Variants in PLCXD3 observed in about 807,000 individuals in gnomAD.
PLCXD3 encodes the protein phosphatidylinositol specific phospholipase C X domain containing 3.
A neutral mutation model predicts 25.5 loss-of-function variants in PLCXD3; 19 were observed. The ratio of observed to expected loss-of-function variants is 0.75; its 90% confidence interval spans 0.52 to 1.09. The LOEUF is 1.09. Among genes scored for constraint, PLCXD3 ranks in the 50% least tolerant of loss-of-function variants. The pLI is 0.00. For synonymous variants in PLCXD3, 174 were observed against 137.6 expected (o/e 1.26, Z -1.85); for missense variants, 411 against 388.1 (o/e 1.06, Z -0.50).
intron 1 of PLCXD3, among the ~76,000 whole-genome samples, chr5:41,420,826 C>CA (rs1400737118): frequency 6.6e-6 from 1 of 152,196 alleles, no homozygotes; most frequent in African/African-American, 2.4e-5. Flanking sequence ...GCATTGTCTG[C>CA]AAGTTCTTGG....
At chr5:41,478,717 C>T (rs561296186) in intron 1 of PLCXD3, among the ~76,000 whole-genome samples, 1 of 152,242 alleles carries the variant, frequency 6.6e-6, no homozygotes, top group African/African-American at 2.4e-5. Context: ...TATTATCTTA[C>T]TGCTATGAAG....
chr5:41,407,094 T>C (rs768145680), intron 1 of PLCXD3, among the ~76,000 whole-genome samples: 1 of 152,154 alleles, frequency 6.6e-6, no homozygotes, highest in East Asian at 1.9e-4. Context: ...CCATTCCCTG[T>C]TGCCTTATAT....
At chr5:41,319,805 T>A (rs1310321595) in intron 2 of PLCXD3, among the ~76,000 whole-genome samples, 1 of 150,338 alleles carries the variant, frequency 6.7e-6, no homozygotes, top group African/African-American at 2.4e-5. Flanking sequence ...ATACAAAAGA[T>A]CAATAAAACA....
chr5:41,404,904 C>T (rs1317303775), intron 1 of PLCXD3, among the ~76,000 whole-genome samples: 4 of 152,110 alleles, frequency 2.6e-5, no homozygotes, highest in Admixed American at 2.6e-4. Context: ...GTATCCATAT[C>T]CTGACCTTGG....
At chr5:41,491,809 A>G (rs980731542) in intron 1 of PLCXD3, among the ~76,000 whole-genome samples, 3 of 151,668 alleles carry the variant, frequency 2.0e-5, no homozygotes, top group Admixed American at 6.6e-5. Flanking sequence ...TCATCCTTTT[A>G]TTTTGAGCCT....
At chr5:41,414,840 T>C (rs971815220) in intron 1 of PLCXD3, among the ~76,000 whole-genome samples, 1 of 152,236 alleles carries the variant, frequency 6.6e-6, no homozygotes, top group African/African-American at 2.4e-5. Flanking sequence ...CTTAGTCATT[T>C]AGAAACCATC....
chr5:41,381,740 T>A, intron 2 of PLCXD3, 86 bp downstream of exon 2: 1 of 1,272,880 alleles, frequency 7.9e-7, no homozygotes, highest in Non-Finnish European at 1.1e-6. Context: ...TATACATAGG[T>A]ATAATTTCAG....
At chr5:41,460,547 C>A (rs910931823) in intron 1 of PLCXD3, among the ~76,000 whole-genome samples, 13 of 151,910 alleles carry the variant, frequency 8.6e-5, no homozygotes, top group African/African-American at 2.7e-4. Context: ...CTGAAAGACA[C>A]CAAGCAGTTT....
chr5:41,374,563 G>T (rs1232416866), intron 2 of PLCXD3, among the ~76,000 whole-genome samples: 3 of 152,050 alleles, frequency 2.0e-5, no homozygotes, highest in African/African-American at 4.8e-5. Context: ...ACAGACACAC[G>T]TACATATATG....
At chr5:41,487,898 T>C (rs541796928) in intron 1 of PLCXD3, among the ~76,000 whole-genome samples, 2 of 152,208 alleles carry the variant, frequency 1.3e-5, no homozygotes, top group East Asian at 3.9e-4. Flanking sequence ...GAGGGTTTTA[T>C]TTATTTTATT....
At chr5:41,358,547 A>G (rs1166326326) in intron 2 of PLCXD3, among the ~76,000 whole-genome samples, 1 of 152,196 alleles carries the variant, frequency 6.6e-6, no homozygotes, top group Non-Finnish European at 1.5e-5. Flanking sequence ...AAGTGAGAAC[A>G]TATGATGTTT....
At chr5:41,356,188 C>T (rs1303752026) in intron 2 of PLCXD3, among the ~76,000 whole-genome samples, 3 of 152,156 alleles carry the variant, frequency 2.0e-5, no homozygotes, top group Non-Finnish European at 2.9e-5. Context: ...ATTGCTTGAA[C>T]CCAGGAGGCG....
rs551643061 is a variant in PLCXD3 at position 41,331,053 on chromosome 5, T to A, written c.813-17283A>T. Among the ~76,000 whole-genome samples the A allele has an allele frequency of 3.9e-4, 59 of 152,032 alleles. No homozygotes were observed. In the East Asian group the frequency reaches 6.8e-3, roughly 17 times the overall value. On this transcript the variant is annotated intron_variant, in intron 2 of 2. Coordinates refer to ENST00000377801, the MANE Select transcript of PLCXD3 (RefSeq NM_001005473.3). ...ACTGGCACAAGACAGGGATGCCCTC[T>A]CTCACCACTCCTATTCAACATAGTG...
intron 2 of PLCXD3, 128 bp from the exon 3 acceptor site, chr5:41,313,898 G>C (rs963354603): frequency 1.8e-6 from 2 of 1,096,972 alleles, no homozygotes; most frequent in Non-Finnish European, 1.3e-6. Context: ...TACAGGAAGG[G>C]GAAAAGGCCA....
intron 1 of PLCXD3, among the ~76,000 whole-genome samples, chr5:41,489,486 T>C (rs770886455): frequency 6.7e-4 from 102 of 152,188 alleles, no homozygotes; most frequent in Admixed American, 1.7e-3. Flanking sequence ...GGTAGCTTGA[T>C]GGGGATGGCC....
intron 1 of PLCXD3, among the ~76,000 whole-genome samples, chr5:41,419,112 C>T (rs927287692): frequency 6.9e-6 from 1 of 145,064 alleles, no homozygotes; most frequent in Admixed American, 6.8e-5. Flanking sequence ...GAAAATTTGG[C>T]AGAGGCAGGG....
At chr5:41,382,682 G>A (rs1745507897) in intron 1 of PLCXD3, 148 bp from the exon 2 acceptor site, 3 of 611,436 alleles carry the variant, frequency 4.9e-6, no homozygotes, top group East Asian at 2.8e-5. Context: ...TATGCCTTAG[G>A]AGGGTCCTTT....
At chr5:41,374,029 T>C (rs1490752683) in intron 2 of PLCXD3, among the ~76,000 whole-genome samples, 5 of 152,002 alleles carry the variant, frequency 3.3e-5, no homozygotes, top group African/African-American at 7.2e-5. Context: ...GCAGGCCCTG[T>C]GGGTAGAGGA....
At chr5:41,500,129 T>G (rs927848403) in intron 1 of PLCXD3, among the ~76,000 whole-genome samples, 8 of 151,870 alleles carry the variant, frequency 5.3e-5, no homozygotes, top group African/African-American at 1.9e-4. Flanking sequence ...TATGTTTATC[T>G]CCGCACTATT....
Sources: allele counts gnomAD v4.1 joint callset (sites outside exome capture counted in the v4.1 genomes callset), GRCh38; gene constraint gnomAD v4.1.1; transcripts MANE v1.5; gene names NCBI Gene and HGNC (gene_info 2026-07-23, HGNC 2026-07-21).